The following MAPK10 variants were observed in gnomAD, a reference collection of about 807,000 sequenced individuals.
MAPK10 encodes JNK3 alpha protein kinase.
Under a neutral mutation model 59.3 loss-of-function variants are expected in MAPK10, and 25 were observed. The ratio of observed to expected loss-of-function variants is 0.42; its 90% CI spans 0.31 to 0.59. The LOEUF is 0.59. Among genes scored for constraint, MAPK10 ranks in the 20% least tolerant of loss-of-function variants. The pLI is 0.15. For missense variants in MAPK10, 351 were observed against 568.9 expected (o/e 0.62, Z 3.90); for synonymous variants, 190 against 200.5 (o/e 0.95, Z 0.44).
At chr4:86,051,158 G>A (rs2043445880) in intron 11 of MAPK10, among the ~76,000 whole-genome samples, 1 of 152,102 alleles carries the variant, frequency 6.6e-6, no homozygotes, top group Admixed American at 6.6e-5. Context: ...GAAACCTGCA[G>A]CAAGTTATGG....
chr4:86,191,932 TGCTCCCTTCAGGA>T (rs1312476911), intron 3 of MAPK10: 1 of 152,148 alleles, frequency 6.6e-6, no homozygotes, highest in Non-Finnish European at 1.5e-5. Context: ...CCGTATTTAG[TGCTCCCTTCAGGA>T]GCTCTTGTAA....
At chr4:86,565,647 T>C (rs745321071) in intron 1 of MAPK10, among the ~76,000 whole-genome samples, 1 of 152,218 alleles carries the variant, frequency 6.6e-6, no homozygotes, top group East Asian at 1.9e-4. Flanking sequence ...CACATTTATA[T>C]AGCAAAGATA....
At chr4:86,194,433 A>C in intron 2 of MAPK10, 26 bp from the exon 3 acceptor site, 2 of 1,343,578 alleles carry the variant, frequency 1.5e-6, no homozygotes, top group South Asian at 2.4e-5. Context: ...ATGGAGCATA[A>C]ATTTTCAAAT....
intron 1 of MAPK10, among the ~76,000 whole-genome samples, chr4:86,511,360 C>T (rs1756223483): frequency 6.6e-6 from 1 of 151,662 alleles, no homozygotes; most frequent in Non-Finnish European, 1.5e-5. Context: ...AGTTCGAGAC[C>T]AGCCTGTGCA....
At chr4:86,501,193 C>T (rs1755298679) in intron 1 of MAPK10, among the ~76,000 whole-genome samples, 1 of 146,796 alleles carries the variant, frequency 6.8e-6, no homozygotes. Context: ...CTGAATTCCA[C>T]AGGAGATAAA....
At chr4:86,207,789 C>G (rs7684570) in intron 2 of MAPK10, among the ~76,000 whole-genome samples, 105,979 of 151,972 alleles carry the variant, frequency 0.7, 37,408 homozygotes, top group East Asian at 0.91. Context: ...ATTCCTAGGT[C>G]TTTTATTCTC....
At chr4:86,460,828 T>A (rs1468408521) in intron 1 of MAPK10, among the ~76,000 whole-genome samples, 1 of 152,254 alleles carries the variant, frequency 6.6e-6, no homozygotes, top group Non-Finnish European at 1.5e-5. Flanking sequence ...AGGAATACTT[T>A]TAGTTAATCT....
intron 9 of MAPK10, chr4:86,089,399 G>A: frequency 1.5e-6 from 1 of 653,610 alleles, no homozygotes; most frequent in Non-Finnish European, 2.7e-6. Context: ...TGGATGAGAG[G>A]CCAGTGGCAT....
At chr4:86,020,309 T>C (rs977584789) in intron 13 of MAPK10, 1 of 151,602 alleles carries the variant, frequency 6.6e-6, no homozygotes, top group African/African-American at 2.4e-5. Flanking sequence ...ATACATCACA[T>C]TTTGTTTATT....
At chr4:86,086,233 G>A (rs1272083406) in intron 9 of MAPK10, among the ~76,000 whole-genome samples, 1 of 152,010 alleles carries the variant, frequency 6.6e-6, no homozygotes, top group Non-Finnish European at 1.5e-5. Flanking sequence ...ACAGTAGAAG[G>A]ATGGTTACCA....
intron 1 of MAPK10, among the ~76,000 whole-genome samples, chr4:86,389,907 T>C (rs969366418): frequency 2.6e-5 from 4 of 151,406 alleles, no homozygotes; most frequent in Non-Finnish European, 1.5e-5. Context: ...GTTGAATTCA[T>C]GTTGAAAGAA....
intron 9 of MAPK10, chr4:86,098,279 T>C (rs1004770286): frequency 5.6e-6 from 2 of 358,612 alleles, no homozygotes; most frequent in African/African-American, 4.2e-5. Flanking sequence ...AGCATTTCTA[T>C]TTTTAGTTGC....
chr4:86,536,275 T>G lies in MAPK10; in HGVS notation c.-263+57635A>C, dbSNP rs189546044. On this transcript the variant is annotated intron_variant, in intron 1 of 4. Coordinates refer to the MAPK10 transcript ENST00000502302. ...AATTCATGCTTTCTTTGGACACTTTTGCCTTTCAATGTTTAATTTTACTTG... is the reference window on the plus strand; with the variant it reads ...AATTCATGCTTTCTTTGGACACTTTGGCCTTTCAATGTTTAATTTTACTTG... Among the ~76,000 whole-genome samples, 15 of 152,366 alleles carry G rather than the reference T, an allele frequency of 9.8e-5. 1 individual carries two copies. In the East Asian group the frequency reaches 2.9e-3, roughly 29 times the overall value.
intron 2 of MAPK10, among the ~76,000 whole-genome samples, chr4:86,314,295 C>T (rs923391116): frequency 2.0e-5 from 3 of 152,108 alleles, no homozygotes; most frequent in African/African-American, 4.8e-5. Flanking sequence ...CCACCCAAAT[C>T]TCATCTTGAA....
upstream of MAPK10, among the ~76,000 whole-genome samples, chr4:86,362,207 T>C (rs1248933837): frequency 6.6e-6 from 1 of 152,104 alleles, no homozygotes; most frequent in Non-Finnish European, 1.5e-5. Flanking sequence ...AAAGTGAATG[T>C]CCAGTAACGT....
chr4:86,571,724 G>A (rs75790795), intron 1 of MAPK10, among the ~76,000 whole-genome samples: 7,120 of 152,096 alleles, frequency 0.047, 219 homozygotes, highest in African/African-American at 0.059. Flanking sequence ...CCAAAGATAC[G>A]GTTGGCTATC....
At chr4:86,139,538 T>C (rs2063111005) in intron 4 of MAPK10, among the ~76,000 whole-genome samples, 1 of 151,994 alleles carries the variant, frequency 6.6e-6, no homozygotes. Context: ...CAATTCAAGA[T>C]GGATTAAAGA....
intron 2 of MAPK10, among the ~76,000 whole-genome samples, chr4:86,235,846 A>G (rs2092164417): frequency 6.6e-6 from 1 of 152,328 alleles, no homozygotes; most frequent in Admixed American, 6.5e-5. Flanking sequence ...TTAGTTGTGG[A>G]TTGCTCCTAT....
At chr4:86,067,545 A>G (rs1364264354) in intron 10 of MAPK10, among the ~76,000 whole-genome samples, 1 of 152,176 alleles carries the variant, frequency 6.6e-6, no homozygotes, top group African/African-American at 2.4e-5. Context: ...CAATTAAAGA[A>G]TTGATCAATG....
Sources: allele counts gnomAD v4.1 joint callset (sites outside exome capture counted in the v4.1 genomes callset), GRCh38; gene constraint gnomAD v4.1.1; transcripts MANE v1.5; gene names NCBI Gene and HGNC (gene_info 2026-07-23, HGNC 2026-07-21).